Variants in PLXNA4 observed in about 807,000 individuals in gnomAD.
PLXNA4 encodes the protein plexin A4, also known as plexin-A4.
In PLXNA4, 44 loss-of-function variants were observed where a neutral mutation model predicts 191.8. The ratio of observed to expected loss-of-function variants is 0.23; its 90% CI spans 0.18 to 0.29. The LOEUF (loss-of-function observed/expected upper bound fraction) is 0.29. Among genes scored for constraint, PLXNA4 ranks in the 10% least tolerant of loss-of-function variants. The pLI is 1.00. For synonymous variants in PLXNA4, 1,082 were observed against 1,009.5 expected, an observed-to-expected ratio of 1.07 and a Z score of -1.36; for missense variants, 1,800 against 2,488.8, an observed-to-expected ratio of 0.72 and a Z score of 5.89.
rs114237724 is a variant in PLXNA4, at chr7:132,158,010, A to C, written c.4660+1463T>G. The stretch of plus-strand genomic sequence containing the variant: ...TGAGCACACACCCATACCCCTCCCC[A>C]CCACCATCACACATTGGCTTCCTCT... On this transcript the variant is annotated intron_variant, in intron 25 of 31. Transcript: ENST00000321063. Among the ~76,000 whole-genome samples the C allele has an allele frequency of 4.7e-3, 715 of 152,124 alleles. 6 individuals carry two copies. The highest frequency in any genetic ancestry group is 0.017 in the African/African-American group (693 of 41,486).
In PLXNA4 at chr7:132,560,530, A is replaced by G. The variant is rs146659635; in HGVS notation, c.-87+15892T>C. On this transcript the variant is annotated intron_variant, in intron 1 of 31. Coordinates refer to ENST00000321063, the MANE Select transcript of PLXNA4 (RefSeq NM_020911.2). ...CCCAAAAGGAACTCCTAAGTCTGCA[A>G]CTGGGTCCAGAAGTAAACAGCACTA... 2.3e-3 allele frequency among the ~76,000 whole-genome samples: 350 copies of G among 152,260 alleles called. 2 individuals carry two copies. The highest frequency in any genetic ancestry group is 8.1e-3 in the African/African-American group (337 of 41,542).
At chr7:132,236,328 TG>T (rs1798700091) in intron 5 of PLXNA4, among the ~76,000 whole-genome samples, 1 of 152,308 alleles carries the variant, frequency 6.6e-6, no homozygotes, top group African/African-American at 2.4e-5. Context: ...TACACCCATC[TG>T]CTGCCCTTCT....
chr7:132,231,194 A>G (rs1368890678), intron 5 of PLXNA4, among the ~76,000 whole-genome samples: 1 of 152,184 alleles, frequency 6.6e-6, no homozygotes, highest in Non-Finnish European at 1.5e-5. Flanking sequence ...TTTCTCATCT[A>G]TACATTGGGG....
intron 4 of PLXNA4, among the ~76,000 whole-genome samples, chr7:132,277,984 A>T (rs1800340425): frequency 6.6e-6 from 1 of 152,194 alleles, no homozygotes; most frequent in South Asian, 2.1e-4. Context: ...CAGCCTCTCT[A>T]CTGGGTGAAC....
At position 132,246,164 on chromosome 7, in the gene PLXNA4, C is replaced by T. The variant is rs146826739; in HGVS notation, c.1504-4998G>A. ...ACAAATTATTTCATCTTCGGCATGG[C>T]AGCATGGATATGAAAACACCTGTTC... On this transcript the variant is annotated intron_variant, in intron 4 of 31. Transcript: ENST00000321063. Among the ~76,000 whole-genome samples, 586 of 152,296 alleles carry T rather than the reference C, an allele frequency of 3.8e-3. 1 individual carries two copies. The highest frequency in any genetic ancestry group is 6.7e-3 in the Non-Finnish European group (453 of 68,014).
At chr7:132,440,005 T>TGTGG (rs1457529897) in intron 3 of PLXNA4, among the ~76,000 whole-genome samples, 1 of 151,770 alleles carries the variant, frequency 6.6e-6, no homozygotes, top group African/African-American at 2.4e-5. Context: ...AGTGTGTGTG[T>TGTGG]GTGTGTATGT....
intron 2 of PLXNA4, among the ~76,000 whole-genome samples, chr7:132,589,945 G>A (rs968828895): frequency 3.3e-5 from 5 of 152,172 alleles, no homozygotes; most frequent in East Asian, 1.9e-4. Flanking sequence ...GAGGTGGGAC[G>A]CAGAAGAGAG....
intron 13 of PLXNA4, among the ~76,000 whole-genome samples, 158 bp from the exon 14 acceptor site, chr7:132,194,337 G>T (rs1419468964): frequency 6.6e-6 from 1 of 152,202 alleles, no homozygotes; most frequent in African/African-American, 2.4e-5. Context: ...CCTAGCAGGG[G>T]CTTCTCCTTA....
intron 3 of PLXNA4, among the ~76,000 whole-genome samples, chr7:132,402,793 T>C (rs1413862540): frequency 1.3e-5 from 2 of 152,220 alleles, no homozygotes; most frequent in Non-Finnish European, 2.9e-5. Flanking sequence ...TCACTTTGCA[T>C]GAGACAGGTC....
In PLXNA4 at chr7:132,642,579, C is replaced by T. The variant is rs199642058; in HGVS notation, c.-87+3349G>A. On this transcript the variant is annotated intron_variant, in intron 2 of 4. Transcript: ENST00000378539. ...AGGCAGACAGACTTGAAGTTGAGGG[C>T]GAGGGAGGGGGGAACGACAGGGCAC... is the stretch of plus-strand genomic sequence containing the variant. Among the ~76,000 whole-genome samples the T allele has an allele frequency of 7.2e-5, 11 of 151,848 alleles. No homozygotes were observed. The East Asian group carries it at 1.7e-3, about 24-fold the overall frequency.
intron 3 of PLXNA4, among the ~76,000 whole-genome samples, chr7:132,349,304 T>TC (rs1326432567): frequency 6.6e-6 from 1 of 151,816 alleles, no homozygotes; most frequent in Admixed American, 6.6e-5. Flanking sequence ...GAGCAGCATC[T>TC]CCCCCACAGC....
At chr7:132,540,656 C>T (rs1413115664) in intron 1 of PLXNA4, among the ~76,000 whole-genome samples, 6 of 135,648 alleles carry the variant, frequency 4.4e-5, no homozygotes, top group Non-Finnish European at 7.7e-5. Flanking sequence ...GGCGCAATCT[C>T]GGCTCACTGC....
chr7:132,591,354 C>T (rs771852366), intron 2 of PLXNA4, among the ~76,000 whole-genome samples: 43 of 152,256 alleles, frequency 2.8e-4, no homozygotes, highest in Middle Eastern at 3.4e-3. Context: ...ATCCATACGA[C>T]GGAAGTGACA....
At chr7:132,401,818 T>C (rs931517600) in intron 3 of PLXNA4, among the ~76,000 whole-genome samples, 5 of 152,168 alleles carry the variant, frequency 3.3e-5, no homozygotes. Context: ...TTCAAACACC[T>C]GAACCAGCTC....
intron 25 of PLXNA4, among the ~76,000 whole-genome samples, chr7:132,149,989 CCTCCAGTCCCTGGGG>C (rs889098040): frequency 1.8e-4 from 28 of 152,252 alleles, no homozygotes; most frequent in South Asian, 1.7e-3. Flanking sequence ...AAGCCCCTTG[CCTCCAGTCCCTGGGG>C]CTCCAGTCCC....
intron 3 of PLXNA4, among the ~76,000 whole-genome samples, chr7:132,305,690 T>C (rs1354258161): frequency 6.6e-6 from 1 of 152,166 alleles, no homozygotes; most frequent in Admixed American, 6.5e-5. Context: ...GGCTGTTTAT[T>C]TACATCCATT....
intron 3 of PLXNA4, among the ~76,000 whole-genome samples, chr7:132,473,076 T>C (rs763389791): frequency 6.6e-5 from 10 of 151,920 alleles, no homozygotes; most frequent in Non-Finnish European, 1.2e-4. Flanking sequence ...GTAGAGAGAG[T>C]GGGGGCACAT....
intron 3 of PLXNA4, among the ~76,000 whole-genome samples, chr7:132,437,015 C>T (rs1368390388): frequency 3.3e-5 from 5 of 152,178 alleles, no homozygotes; most frequent in African/African-American, 1.2e-4. Context: ...GCTCCATCGC[C>T]ATATACACAT....
chr7:132,522,180 A>G (rs1414130222), intron 1 of PLXNA4, among the ~76,000 whole-genome samples: 1 of 152,118 alleles, frequency 6.6e-6, no homozygotes, highest in Non-Finnish European at 1.5e-5. Context: ...CTCCATGCAG[A>G]GGGGACAACA....
Sources: allele counts gnomAD v4.1 joint callset (sites outside exome capture counted in the v4.1 genomes callset), GRCh38; gene constraint gnomAD v4.1.1; transcripts MANE v1.5; gene names NCBI Gene and HGNC (gene_info 2026-07-23, HGNC 2026-07-21).